The following FOXK1 variants were observed in gnomAD, a reference collection of about 807,000 sequenced individuals.
FOXK1 encodes forkhead box K1, also known as forkhead box protein K1.
A neutral mutation model predicts 51.9 loss-of-function variants in FOXK1; 19 were observed. The observed-to-expected ratio is 0.37, with a 90% CI of 0.26 to 0.54. The LOEUF is 0.54. FOXK1 is among the 20% of genes least tolerant of loss of function. The probability of loss-of-function intolerance (pLI) is 0.87; values close to 1 mark genes in which losing one functional copy is unlikely to be tolerated. For missense variants in FOXK1, 870 were observed against 1,032.7 expected, an observed-to-expected ratio of 0.84 and a Z score of 2.16; for synonymous variants, 537 against 482.6, an observed-to-expected ratio of 1.11 and a Z score of -1.48.
At position 4,703,514 on chromosome 7, in the gene FOXK1, G is replaced by A. The variant is rs952926294; in HGVS notation, c.560+20646G>A. Among the ~76,000 whole-genome samples, 7 of 152,346 alleles carry A rather than the reference G, an allele frequency of 4.6e-5. No homozygotes were observed. Among genetic ancestry groups the A allele is most frequent in the South Asian group, 2.1e-4 (1 of 4,834 alleles). ...CCCCAGGGTGGCCCGACCCTGCTGC[G>A]CGGGAGGGAAAGAGCCACAACAAGT... is the stretch of plus-strand genomic sequence containing the variant. On this transcript the variant is annotated intron_variant, in intron 1 of 8. Transcript: ENST00000328914. The surrounding 1 kb of genome is among the most constrained non-coding windows in gnomAD (Gnocchi z 5.6).
rs967586027 is a variant in FOXK1, at chr7:4,731,723, C to T, written c.561-9115C>T. Among the ~76,000 whole-genome samples, 5 of 147,084 alleles carry T rather than the reference C, an allele frequency of 3.4e-5. No individual in the cohort carries two copies. In the South Asian group the frequency reaches 6.4e-4, roughly 19 times the overall value. On this transcript the variant is annotated intron_variant, in intron 1 of 8. Transcript: ENST00000328914. The surrounding 1 kb of genome is among the most constrained non-coding windows in gnomAD (Gnocchi z 5.3). ...GCAGTGAGCTGAGATTGCACCACTG[C>T]ACTCCAGCCTGGGCAACAAAGCGAA...
chr7:4,717,927 C>G (rs1457418744), intron 1 of FOXK1, among the ~76,000 whole-genome samples: 1 of 152,166 alleles, frequency 6.6e-6, no homozygotes, highest in Non-Finnish European at 1.5e-5. Context: ...GAATATTAAG[C>G]ATTTTTGCCT....
At chr7:4,742,536 C>T (rs6978825) in intron 2 of FOXK1, among the ~76,000 whole-genome samples, 1,983 of 152,282 alleles carry the variant, frequency 0.013, 46 homozygotes, top group African/African-American at 0.046. Flanking sequence ...CCCACCTCAG[C>T]CTCCCAAGTT....
intron 1 of FOXK1, among the ~76,000 whole-genome samples, chr7:4,712,865 A>T (rs1780192058): frequency 6.6e-6 from 1 of 152,188 alleles, no homozygotes; most frequent in African/African-American, 2.4e-5. Flanking sequence ...GGGATGAATC[A>T]TTGCTCTCTG....
rs1781021895 is a variant in FOXK1 at position 4,767,072 on chromosome 7, C to T, written c.*4608C>T. The T allele has an allele frequency of 6.6e-6, 1 of 152,168 alleles. No individual in the cohort carries two copies. Among genetic ancestry groups the T allele is most frequent in the Non-Finnish European group, 1.5e-5 (1 of 68,056 alleles). The allele number at this position is 152,168 out of a possible 1,614,324, so 9.4% of individuals were successfully genotyped here. A position where few individuals can be genotyped will look rare whatever the true frequency, so the allele number is the denominator to read the frequency against. On this transcript the variant is annotated 3_prime_UTR_variant, in exon 9 of 9. Coordinates refer to ENST00000328914, the MANE Select transcript of FOXK1 (RefSeq NM_001037165.2). The surrounding 1 kb of genome is among the most constrained non-coding windows in gnomAD (Gnocchi z 6.6). ...TTTCAGAGCCGGCGGGAGTGCAGGTCTGTTTTGCTTCAGAAGCCTCACATT... is the reference window on the plus strand; with the variant it reads ...TTTCAGAGCCGGCGGGAGTGCAGGTTTGTTTTGCTTCAGAAGCCTCACATT...
rs1414447873 is a variant in FOXK1, at chr7:4,722,061, C to T, written c.561-18777C>T. Among the ~76,000 whole-genome samples the T allele has an allele frequency of 2.0e-4, 31 of 152,238 alleles. No individual in the cohort carries two copies. The highest frequency in any genetic ancestry group is 2.0e-3 in the Admixed American group (31 of 15,278). The stretch of plus-strand genomic sequence containing the variant: ...CCCGCTGCATCCCATACCCTCCACC[C>T]ATCCCAGCAGCCTCATGCCTGTGGG... On this transcript the variant is annotated intron_variant, in intron 1 of 8. Coordinates refer to ENST00000328914, the MANE Select transcript of FOXK1 (RefSeq NM_001037165.2). The surrounding 1 kb of genome is among the most constrained non-coding windows in gnomAD (Gnocchi z 5.1).
At chr7:4,716,950 G>A (rs1583192756) in intron 1 of FOXK1, among the ~76,000 whole-genome samples, 1 of 152,154 alleles carries the variant, frequency 6.6e-6, no homozygotes, top group Non-Finnish European at 1.5e-5. Flanking sequence ...CGTGGTGGGA[G>A]GCGCATGGCT....
chr7:4,692,466 G>A (rs1291034453), intron 1 of FOXK1, among the ~76,000 whole-genome samples: 1 of 152,202 alleles, frequency 6.6e-6, no homozygotes, highest in Non-Finnish European at 1.5e-5. Flanking sequence ...CACGATCTCA[G>A]CTCACTGCAA....
Position 4,735,182 on chromosome 7 carries a change from C to T in FOXK1, c.561-5656C>T, listed in dbSNP as rs1051236183. On this transcript the variant is annotated intron_variant, in intron 1 of 8. Transcript: ENST00000328914. This position sits in a 1 kb window ranked among gnomAD's most constrained non-coding sequence, Gnocchi z 4.7. ...CCAGTTCCAGCTCGCTGTGTAGAGA[C>T]GGCTCTGTGGTCTGAGGCTGAGCCA... 2.6e-5 allele frequency among the ~76,000 whole-genome samples: 4 copies of T among 151,922 alleles called. No homozygotes were observed. The highest frequency in any genetic ancestry group is 2.1e-4 in the South Asian group (1 of 4,808).
chr7:4,693,482 G>A (rs1779918128), intron 1 of FOXK1, among the ~76,000 whole-genome samples: 1 of 152,212 alleles, frequency 6.6e-6, no homozygotes, highest in Non-Finnish European at 1.5e-5. Flanking sequence ...CTTGGCTACA[G>A]TTAGTATATT....
At chr7:4,694,741 A>C (rs1192973078) in intron 1 of FOXK1, among the ~76,000 whole-genome samples, 2 of 152,208 alleles carry the variant, frequency 1.3e-5, no homozygotes, top group Non-Finnish European at 2.9e-5. Flanking sequence ...CTGGGAGTCC[A>C]CAGGGGTCAG....
chr7:4,688,544 C>G (rs903153394), intron 1 of FOXK1, among the ~76,000 whole-genome samples: 1 of 151,970 alleles, frequency 6.6e-6, no homozygotes, highest in Non-Finnish European at 1.5e-5. Flanking sequence ...TACAGGCGCT[C>G]GCCACGACAC....
chr7:4,701,887 G>A (rs1562371307), intron 1 of FOXK1, among the ~76,000 whole-genome samples: 1 of 152,048 alleles, frequency 6.6e-6, no homozygotes, highest in Non-Finnish European at 1.5e-5. Context: ...GCGAGACTCC[G>A]TCTCAAAAAA....
intron 1 of FOXK1, among the ~76,000 whole-genome samples, chr7:4,718,585 C>A (rs1025585951): frequency 4.6e-5 from 7 of 152,166 alleles, no homozygotes; most frequent in African/African-American, 1.7e-4. Flanking sequence ...TTGAGCGGAC[C>A]TAGGTTTCCC....
rs1360405650 is a variant in FOXK1, at chr7:4,745,801, A to T, written c.746+4778A>T. Among the ~76,000 whole-genome samples the T allele has an allele frequency of 6.6e-6, 1 of 151,844 alleles. No individual in the cohort carries two copies. Among genetic ancestry groups the T allele is most frequent in the Non-Finnish European group, 1.5e-5 (1 of 67,948 alleles). On this transcript the variant is annotated intron_variant, in intron 2 of 8. Transcript: ENST00000328914. This position sits in a 1 kb window ranked among gnomAD's most constrained non-coding sequence, Gnocchi z 4.3. The stretch of plus-strand genomic sequence containing the variant: ...GCTACTTGGGAGGCTGAGGCAGGAG[A>T]ATTGCTTGAACCTAGGAGGCAGAGG...
rs1554249288 is a variant in FOXK1, at chr7:4,705,554, TCTCTCG to T, written c.560+22698_560+22703del. Among the ~76,000 whole-genome samples, 316 of 131,422 alleles carry T rather than the reference TCTCTCG, an allele frequency of 2.4e-3. 2 individuals carry two copies. The highest frequency in any genetic ancestry group is 9.5e-3 in the South Asian group (41 of 4,334). 86.2% of individuals were successfully genotyped at this position (131,422 alleles called of 152,430 possible). On this transcript the variant is annotated intron_variant, in intron 1 of 8. Transcript: ENST00000328914. ...CTCTCTCTCTCTCTCTCTCTCTCTC[TCTCTCG>T]CTCTCGCTCTCTCGTCGCCAGGCTG...
chr7:4,709,428 A>G lies in FOXK1; in HGVS notation c.560+26560A>G, dbSNP rs1188311474. The stretch of plus-strand genomic sequence containing the variant: ...CAGGCTCTTCCCAAGCGCACAGTCC[A>G]CATAGGCTGCTTATCTGGACTCGAT... On this transcript the variant is annotated intron_variant, in intron 1 of 8. Coordinates refer to ENST00000328914, the MANE Select transcript of FOXK1 (RefSeq NM_001037165.2). The surrounding 1 kb of genome is among the most constrained non-coding windows in gnomAD (Gnocchi z 5.6). Among the ~76,000 whole-genome samples the G allele has an allele frequency of 6.6e-6, 1 of 152,130 alleles. No individual in the cohort carries two copies. Among genetic ancestry groups the G allele is most frequent in the South Asian group, 2.1e-4 (1 of 4,822 alleles).
Position 4,734,617 on chromosome 7 carries a change from G to A in FOXK1, c.561-6221G>A, listed in dbSNP as rs1042225026. ...CATCGGTGCACGGGGCTCCCTCCCT[G>A]GGGCTTCATGGGGGGCTCAGGAAGG... On this transcript the variant is annotated intron_variant, in intron 1 of 8. Coordinates refer to ENST00000328914, the MANE Select transcript of FOXK1 (RefSeq NM_001037165.2). The surrounding 1 kb of genome is among the most constrained non-coding windows in gnomAD (Gnocchi z 5.2). Among the ~76,000 whole-genome samples, 2 of 152,220 alleles carry A rather than the reference G, an allele frequency of 1.3e-5. No homozygotes were observed. Among genetic ancestry groups the A allele is most frequent in the Non-Finnish European group, 2.9e-5 (2 of 68,042 alleles).
chr7:4,761,798 G>A lies in FOXK1; in HGVS notation c.1922-386G>A, dbSNP rs1029630925. Among the ~76,000 whole-genome samples the A allele has an allele frequency of 2.0e-5, 3 of 152,210 alleles. No homozygotes were observed. Among genetic ancestry groups the A allele is most frequent in the African/African-American group, 7.2e-5 (3 of 41,450 alleles). On this transcript the variant is annotated intron_variant, in intron 8 of 8. Transcript: ENST00000328914. The surrounding 1 kb of genome is among the most constrained non-coding windows in gnomAD (Gnocchi z 6.2). ...CCATGGGGTGAGGCAAGAGGTCAAAGGAAGGAGGAGAGTTGGGGTGCTGGG... is the reference window on the plus strand; with the variant it reads ...CCATGGGGTGAGGCAAGAGGTCAAAAGAAGGAGGAGAGTTGGGGTGCTGGG...
Sources: allele counts gnomAD v4.1 joint callset (sites outside exome capture counted in the v4.1 genomes callset), GRCh38; gene constraint gnomAD v4.1.1; non-coding constraint Gnocchi (gnomAD v3.1); transcripts MANE v1.5; gene names NCBI Gene and HGNC (gene_info 2026-07-23, HGNC 2026-07-21).